TPST2: variants seen among roughly 807,000 people sequenced by gnomAD.
TPST2 encodes protein-tyrosine sulfotransferase 2.
A neutral mutation model predicts 27.8 loss-of-function variants in TPST2; 16 were observed. That is an observed-to-expected ratio of 0.58 (90% CI 0.39 to 0.88). The LOEUF (loss-of-function observed/expected upper bound fraction) is 0.88, where lower values mean the gene tolerates loss of function less well. Ranked by LOEUF, TPST2 falls within the 40% of genes least tolerant of loss-of-function variation. TPST2 has a pLI of 0.00. For synonymous variants in TPST2, 229 were observed against 231.7 expected (o/e 0.99, Z 0.10); for missense variants, 464 against 543.1 (o/e 0.85, Z 1.45).
rs773011521 is a variant in TPST2 at position 26,522,604 on chromosome 22, C to CT, written c.*3670_*3671insA. 22 of 152,240 alleles carry CT rather than the reference C, an allele frequency of 1.4e-4. No individual in the cohort carries two copies. Among genetic ancestry groups the CT allele is most frequent in the Non-Finnish European group, 2.5e-4 (17 of 68,062 alleles). 9.4% of individuals were successfully genotyped at this position (152,240 alleles called of 1,614,324 possible). On this transcript the variant is annotated 3_prime_UTR_variant, in exon 7 of 7. Transcript: ENST00000338754. ...ACTTCTCATTTTGCAGAGACTCACTCATACAGTGGCATCAAGAGGTTATAT... is the reference window on the plus strand; with the variant it reads ...ACTTCTCATTTTGCAGAGACTCACTCTATACAGTGGCATCAAGAGGTTATAT...
chr22:26,550,152 A>G (rs998823393), intron 1 of TPST2, among the ~76,000 whole-genome samples: 3 of 152,172 alleles, frequency 2.0e-5, no homozygotes, highest in Non-Finnish European at 4.4e-5. Context: ...AATCAATCTA[A>G]GAGATCCCCT....
intron 1 of TPST2, chr22:26,560,388 G>A (rs1927021636): frequency 3.4e-6 from 2 of 594,254 alleles, no homozygotes; most frequent in Admixed American, 3.0e-5. Context: ...TATTGCAGCA[G>A]TGCCATATGA....
intron 1 of TPST2, among the ~76,000 whole-genome samples, chr22:26,575,334 C>A (rs1311376323): frequency 6.6e-6 from 1 of 152,134 alleles, no homozygotes; most frequent in Admixed American, 6.5e-5. Context: ...TCCCTCTTCC[C>A]ACAATGCCTC....
At chr22:26,545,968 T>C (rs961597595) in intron 1 of TPST2, among the ~76,000 whole-genome samples, 5 of 151,762 alleles carry the variant, frequency 3.3e-5, no homozygotes, top group African/African-American at 1.2e-4. Flanking sequence ...TCCCGGCTAC[T>C]TGGGAGGCTT....
chr22:26,573,388 C>A (rs1281009649), intron 1 of TPST2, among the ~76,000 whole-genome samples: 1 of 152,220 alleles, frequency 6.6e-6, no homozygotes, highest in Admixed American at 6.5e-5. Context: ...TCACTGACTC[C>A]GACTTCCGCC....
chr22:26,568,617 C>T (rs1229219956), intron 1 of TPST2, among the ~76,000 whole-genome samples: 1 of 152,196 alleles, frequency 6.6e-6, no homozygotes, highest in Non-Finnish European at 1.5e-5. Context: ...CTCCCACCAC[C>T]AGCGCCATGA....
At chr22:26,547,616 A>G (rs1926195694) in intron 1 of TPST2, 1 of 152,144 alleles carries the variant, frequency 6.6e-6, no homozygotes, top group Non-Finnish European at 1.5e-5. Context: ...AATAGAAACC[A>G]CACTTAAGAA....
intron 1 of TPST2, among the ~76,000 whole-genome samples, chr22:26,562,638 T>A (rs1927169871): frequency 1.3e-5 from 2 of 150,326 alleles, no homozygotes; most frequent in Non-Finnish European, 3.0e-5. Context: ...TCTTTTTTTT[T>A]TTTGAGACTG....
At chr22:26,556,466 G>T (rs1051706262) in intron 1 of TPST2, among the ~76,000 whole-genome samples, 2 of 152,116 alleles carry the variant, frequency 1.3e-5, no homozygotes, top group Admixed American at 6.5e-5. Flanking sequence ...CTTGAATCTG[G>T]GAGGCAGAGG....
intron 1 of TPST2, among the ~76,000 whole-genome samples, chr22:26,548,486 AAAG>A (rs1385885877): frequency 6.6e-6 from 1 of 151,636 alleles, no homozygotes; most frequent in African/African-American, 2.4e-5. Context: ...AAAAAGAAAG[AAAG>A]AAGAAAGGAA....
chr22:26,568,128 T>A (rs1196483258), intron 1 of TPST2, among the ~76,000 whole-genome samples: 3 of 152,330 alleles, frequency 2.0e-5, no homozygotes, highest in Middle Eastern at 6.8e-3. Context: ...GGTGGCATGA[T>A]CGTAATTGCC....
chr22:26,534,948 G>A (rs544535856), intron 4 of TPST2, among the ~76,000 whole-genome samples: 3 of 152,146 alleles, frequency 2.0e-5, no homozygotes, highest in Non-Finnish European at 4.4e-5. Context: ...TATGTACGTT[G>A]AATCTCTGAG....
intron 1 of TPST2, among the ~76,000 whole-genome samples, chr22:26,557,483 A>T (rs1211841007): frequency 6.6e-6 from 1 of 152,226 alleles, no homozygotes; most frequent in African/African-American, 2.4e-5. Flanking sequence ...CTCTTCAATA[A>T]CTGTGAGTCC....
At chr22:26,535,879 T>A (rs903467363) in intron 4 of TPST2, 8 of 340,002 alleles carry the variant, frequency 2.4e-5, no homozygotes, top group South Asian at 1.9e-4. Context: ...GTCTGAGAAA[T>A]CCACATTAAA....
At chr22:26,568,050 C>T (rs1927444642) in intron 1 of TPST2, among the ~76,000 whole-genome samples, 1 of 152,214 alleles carries the variant, frequency 6.6e-6, no homozygotes, top group African/African-American at 2.4e-5. Flanking sequence ...AGCATTTCTA[C>T]TGCTGATTAT....
intron 3 of TPST2, among the ~76,000 whole-genome samples, chr22:26,539,571 TG>T (rs1488392775): frequency 1.3e-5 from 2 of 148,360 alleles, no homozygotes; most frequent in African/African-American, 5.0e-5. Context: ...GAGACCAGCC[TG>T]GAAGACATAC....
Position 26,580,162 on chromosome 22 carries a change from T to C in TPST2, c.-161+9891A>G, listed in dbSNP as rs7364146. The stretch of plus-strand genomic sequence containing the variant: ...GAGAGGCTGAGGCAGGAGAATTGCT[T>C]GAGCCCAGGAGTTCAAGGCTGCAAT... On this transcript the variant is annotated intron_variant, in intron 1 of 6. Coordinates refer to ENST00000338754, the MANE Select transcript of TPST2 (RefSeq NM_003595.5). 6.7e-3 allele frequency among the ~76,000 whole-genome samples: 1,021 copies of C among 152,180 alleles called. 10 individuals are homozygous for C. Among genetic ancestry groups the C allele is most frequent in the African/African-American group, 0.024 (988 of 41,502 alleles).
At chr22:26,562,369 G>A (rs1927149049) in intron 1 of TPST2, among the ~76,000 whole-genome samples, 3 of 152,164 alleles carry the variant, frequency 2.0e-5, no homozygotes, top group Admixed American at 2.0e-4. Flanking sequence ...CAGACACTGT[G>A]CTGAACGTTC....
intron 1 of TPST2, among the ~76,000 whole-genome samples, chr22:26,576,301 A>G (rs2147236169): frequency 6.7e-6 from 1 of 150,276 alleles, no homozygotes; most frequent in East Asian, 1.9e-4. Context: ...TTTGAAAGTA[A>G]CATTCCTGGG....
Sources: gnomAD v4.1 joint callset for allele counts (sites outside exome capture counted in the v4.1 genomes callset) on GRCh38, gnomAD v4.1.1 for gene constraint, MANE v1.5 for transcripts, NCBI Gene and HGNC (gene_info 2026-07-23, HGNC 2026-07-21) for gene names.